Variants in MYO5B observed in about 807,000 individuals in gnomAD.
MYO5B encodes the protein unconventional myosin-Vb.
Under a neutral mutation model 229.3 loss-of-function variants are expected in MYO5B, and 143 were observed. That is an observed-to-expected ratio of 0.62 (90% CI 0.54 to 0.72). The LOEUF (loss-of-function observed/expected upper bound fraction) is 0.72. MYO5B is among the 30% of genes least tolerant of loss of function. The probability of loss-of-function intolerance (pLI) is 0.00; values close to 1 mark genes in which losing one functional copy is unlikely to be tolerated. For synonymous variants in MYO5B, 918 were observed against 885.2 expected, an observed-to-expected ratio of 1.04 and a Z score of -0.66; for missense variants, 2,321 against 2,331.0, an observed-to-expected ratio of 1.00 and a Z score of 0.09.
intron 2 of MYO5B, among the ~76,000 whole-genome samples, chr18:50,043,289 TATTA>T (rs2030081473): frequency 8.6e-6 from 1 of 116,476 alleles, no homozygotes; most frequent in South Asian, 2.3e-4. Context: ...TATATTTATA[TATTA>T]TATATAATAT....
At chr18:49,848,725 CT>C (rs940809884) in intron 32 of MYO5B, among the ~76,000 whole-genome samples, 4 of 152,042 alleles carry the variant, frequency 2.6e-5, no homozygotes, top group African/African-American at 9.6e-5. Flanking sequence ...GTAAGCAAAG[CT>C]TGAAGCCAAG....
At chr18:50,091,376 T>A (rs943063441) in intron 1 of MYO5B, among the ~76,000 whole-genome samples, 1 of 152,226 alleles carries the variant, frequency 6.6e-6, no homozygotes, top group Non-Finnish European at 1.5e-5. Context: ...AGAGCATTTA[T>A]AAATTTTACT....
intron 1 of MYO5B, among the ~76,000 whole-genome samples, chr18:50,122,619 G>T: frequency 5.3e-5 from 1 of 18,930 alleles, no homozygotes; most frequent in Non-Finnish European, 1.7e-4. Context: ...AGAGAGGGAG[G>T]GAGGGAAGGG....
chr18:50,154,281 A>AT (rs971936847), intron 1 of MYO5B, among the ~76,000 whole-genome samples: 10 of 152,280 alleles, frequency 6.6e-5, no homozygotes, highest in South Asian at 2.1e-4. Context: ...ATATTGTGTG[A>AT]TTTTTTTAAA....
At chr18:50,190,260 G>T (rs1376558184) in intron 1 of MYO5B, among the ~76,000 whole-genome samples, 1 of 152,184 alleles carries the variant, frequency 6.6e-6, no homozygotes, top group East Asian at 1.9e-4. Context: ...ACTACTATCT[G>T]CAATCATCAT....
At chr18:50,120,550 C>T (rs1019837628) in intron 1 of MYO5B, among the ~76,000 whole-genome samples, 5 of 152,202 alleles carry the variant, frequency 3.3e-5, no homozygotes, top group Non-Finnish European at 5.9e-5. Flanking sequence ...GTCTACCGTC[C>T]TCAGCCCTCT....
intron 16 of MYO5B, among the ~76,000 whole-genome samples, chr18:49,934,723 G>A (rs2025230491): frequency 6.6e-6 from 1 of 152,216 alleles, no homozygotes; most frequent in Non-Finnish European, 1.5e-5. Context: ...CAGAGATTTG[G>A]AGGAAGGGAA....
intron 4 of MYO5B, among the ~76,000 whole-genome samples, chr18:50,035,504 G>T (rs2026438759): frequency 1.3e-5 from 2 of 152,104 alleles, no homozygotes; most frequent in Non-Finnish European, 2.9e-5. Context: ...CAGTCCCAAG[G>T]CCTCCCTCCT....
rs1374843742 is a variant in MYO5B, at chr18:50,087,670, T to A, written c.28-32292A>T. ...TGTCTGTCATCTATGCAGACATCAG[T>A]AAAAACCTCTAAATAAACATGCAGA... On this transcript the variant is annotated intron_variant, in intron 1 of 39. Transcript: ENST00000285039. Among the ~76,000 whole-genome samples the A allele has an allele frequency of 3.3e-5, 5 of 151,876 alleles. No homozygotes were observed. The South Asian group carries it at 1.0e-3, about 32-fold the overall frequency.
At chr18:49,914,538 G>C (rs530242613) in intron 17 of MYO5B, among the ~76,000 whole-genome samples, 1 of 152,206 alleles carries the variant, frequency 6.6e-6, no homozygotes, top group African/African-American at 2.4e-5. Flanking sequence ...CCAGCACTTT[G>C]GGAGACTGAG....
chr18:49,977,091 A>G (rs566117169), intron 9 of MYO5B, among the ~76,000 whole-genome samples: 1 of 152,214 alleles, frequency 6.6e-6, no homozygotes, highest in East Asian at 1.9e-4. Flanking sequence ...CAAGTTAGAG[A>G]CTTGTCTGAG....
At chr18:49,980,653 AT>A in intron 8 of MYO5B, 100 bp from the exon 9 acceptor site, 1 of 859,542 alleles carries the variant, frequency 1.2e-6, no homozygotes. Context: ...ATAAGGTTTG[AT>A]TTTTCTTTCT....
Position 50,192,857 on chromosome 18 carries a change from G to C in MYO5B, c.27+1910C>G, listed in dbSNP as rs376239832. Among the ~76,000 whole-genome samples, 4 of 152,258 alleles carry C rather than the reference G, an allele frequency of 2.6e-5. No homozygotes were observed. The East Asian group carries it at 7.7e-4, about 29-fold the overall frequency. On this transcript the variant is annotated intron_variant, in intron 1 of 39. Coordinates refer to ENST00000285039, the MANE Select transcript of MYO5B (RefSeq NM_001080467.3). ...CTGGTATAACTTAAAAAAGTGTCTTGAACTTGATGGAAACTGTGTTGAGAA... is the reference window on the plus strand; with the variant it reads ...CTGGTATAACTTAAAAAAGTGTCTTCAACTTGATGGAAACTGTGTTGAGAA...
intron 1 of MYO5B, among the ~76,000 whole-genome samples, chr18:50,154,247 A>G (rs16951602): frequency 0.043 from 6,500 of 152,284 alleles, 164 homozygotes; most frequent in Non-Finnish European, 0.055. Flanking sequence ...AGAGATTTCT[A>G]TATTGTTTGA....
At chr18:49,910,452 A>G (rs937597605) in intron 18 of MYO5B, among the ~76,000 whole-genome samples, 22 of 152,136 alleles carry the variant, frequency 1.4e-4, no homozygotes, top group African/African-American at 5.1e-4. Flanking sequence ...TGTCCATAAA[A>G]AGTAAGATGT....
At chr18:50,166,669 C>A (rs911657243) in intron 1 of MYO5B, among the ~76,000 whole-genome samples, 2 of 152,100 alleles carry the variant, frequency 1.3e-5, no homozygotes, top group Non-Finnish European at 2.9e-5. Flanking sequence ...CTCCCCACCC[C>A]CCGCCTACCA....
chr18:50,065,093 A>G lies in MYO5B; in HGVS notation c.28-9715T>C, dbSNP rs377584253. 3.9e-5 allele frequency among the ~76,000 whole-genome samples: 6 copies of G among 152,310 alleles called. No individual in the cohort carries two copies. The South Asian group carries it at 1.2e-3, about 32-fold the overall frequency. On this transcript the variant is annotated intron_variant, in intron 1 of 39. Transcript: ENST00000285039. ...AGCGAGCTCTCAATTTTCCTTCCACAGGAGCATGTCAGTCTCCCCCATCTC... is the reference window on the plus strand; with the variant it reads ...AGCGAGCTCTCAATTTTCCTTCCACGGGAGCATGTCAGTCTCCCCCATCTC...
At chr18:50,028,193 A>C (rs1211333550) in intron 4 of MYO5B, among the ~76,000 whole-genome samples, 1 of 152,210 alleles carries the variant, frequency 6.6e-6, no homozygotes, top group Non-Finnish European at 1.5e-5. Context: ...CTAGTTATTT[A>C]CATCCCATTA....
At chr18:50,040,873 G>C (rs1317450185) in intron 2 of MYO5B, among the ~76,000 whole-genome samples, 1 of 152,186 alleles carries the variant, frequency 6.6e-6, no homozygotes. Flanking sequence ...TGCATAACCA[G>C]GGAGTAGGAT....
Sources: allele counts gnomAD v4.1 joint callset (sites outside exome capture counted in the v4.1 genomes callset), GRCh38; gene constraint gnomAD v4.1.1; transcripts MANE v1.5; gene names NCBI Gene and HGNC (gene_info 2026-07-23, HGNC 2026-07-21).